The following SORCS3 variants were observed in gnomAD, a reference collection of about 807,000 sequenced individuals.
The protein encoded by SORCS3 is sortilin related VPS10 domain containing receptor 3.
In SORCS3, 57 loss-of-function variants were observed where a neutral mutation model predicts 146.3. The observed-to-expected ratio is 0.39, with a 90% CI of 0.31 to 0.49. The LOEUF is 0.49. SORCS3 is among the 20% of genes least tolerant of loss of function. The pLI is 0.92. For synonymous variants in SORCS3, 653 were observed against 618.5 expected (o/e 1.06, Z -0.83); for missense variants, 1,341 against 1,575.5 (o/e 0.85, Z 2.52).
chr10:104,952,712 A>G (rs1458964249), intron 3 of SORCS3, among the ~76,000 whole-genome samples: 1 of 152,162 alleles, frequency 6.6e-6, no homozygotes, highest in Non-Finnish European at 1.5e-5. Context: ...GCCTAAATGC[A>G]TGCACACACA....
At chr10:105,115,104 C>T (rs1210634498) in intron 7 of SORCS3, among the ~76,000 whole-genome samples, 1 of 152,076 alleles carries the variant, frequency 6.6e-6, no homozygotes, top group Admixed American at 6.6e-5. Context: ...ATTCAAATAG[C>T]TAGTGGTCTG....
At chr10:105,246,918 G>A (rs777195541) in intron 21 of SORCS3, among the ~76,000 whole-genome samples, 9 of 152,214 alleles carry the variant, frequency 5.9e-5, no homozygotes, top group Non-Finnish European at 1.0e-4. Context: ...ACCACCTACA[G>A]TAGCAGACGT....
At chr10:104,872,519 C>T (rs575932057) in intron 2 of SORCS3, among the ~76,000 whole-genome samples, 1 of 150,134 alleles carries the variant, frequency 6.7e-6, no homozygotes, top group Admixed American at 6.6e-5. Flanking sequence ...TCCTCCAGGG[C>T]TTTTTATTCA....
intron 20 of SORCS3, 134 bp from the exon 21 acceptor site, chr10:105,245,408 A>G (rs1043797381): frequency 4.5e-5 from 47 of 1,036,060 alleles, no homozygotes; most frequent in South Asian, 2.3e-4. Context: ...CACAGTTTTA[A>G]GAAACGGTAT....
At chr10:104,893,637 G>T (rs1437582084) in intron 2 of SORCS3, among the ~76,000 whole-genome samples, 1 of 152,162 alleles carries the variant, frequency 6.6e-6, no homozygotes, top group Non-Finnish European at 1.5e-5. Flanking sequence ...ACCTTTAACT[G>T]GTCCTTTGTA....
chr10:104,739,883 G>A (rs2016820519), intron 1 of SORCS3, among the ~76,000 whole-genome samples: 1 of 152,178 alleles, frequency 6.6e-6, no homozygotes, highest in African/African-American at 2.4e-5. Context: ...GGATTTCTGG[G>A]TGCTAATTTT....
At chr10:105,129,208 A>G (rs2055997768) in intron 7 of SORCS3, among the ~76,000 whole-genome samples, 1 of 152,056 alleles carries the variant, frequency 6.6e-6, no homozygotes, top group African/African-American at 2.4e-5. Context: ...AGGCCATTTG[A>G]TGTATCAAGT....
chr10:105,180,333 A>G (rs1160733079), intron 14 of SORCS3, among the ~76,000 whole-genome samples: 1 of 152,254 alleles, frequency 6.6e-6, no homozygotes, highest in Admixed American at 6.5e-5. Context: ...TGTAAGTTCC[A>G]AGAAAGCATA....
chr10:104,926,646 G>T (rs1010054762), intron 3 of SORCS3, among the ~76,000 whole-genome samples: 21 of 152,234 alleles, frequency 1.4e-4, no homozygotes, highest in African/African-American at 5.1e-4. Flanking sequence ...CTTCGCAAGT[G>T]TGACCCAGCA....
chr10:104,956,816 C>G (rs1466216574), intron 3 of SORCS3, among the ~76,000 whole-genome samples: 3 of 152,132 alleles, frequency 2.0e-5, no homozygotes, highest in Non-Finnish European at 4.4e-5. Flanking sequence ...CTGTTTGATT[C>G]TAAACCCAAA....
intron 1 of SORCS3, among the ~76,000 whole-genome samples, chr10:104,689,081 A>G (rs1370011964): frequency 6.6e-6 from 1 of 152,220 alleles, no homozygotes; most frequent in South Asian, 2.1e-4. Flanking sequence ...GCCTCGGCAT[A>G]TGAGGCCCTG....
chr10:105,214,406 C>G, intron 17 of SORCS3, 36 bp from the exon 18 acceptor site: 1 of 1,610,494 alleles, frequency 6.2e-7, no homozygotes, highest in Non-Finnish European at 8.5e-7. Flanking sequence ...ACAACACAAT[C>G]AACACAAACC....
intron 13 of SORCS3, among the ~76,000 whole-genome samples, chr10:105,168,042 A>G (rs1442511676): frequency 6.6e-6 from 1 of 152,192 alleles, no homozygotes; most frequent in East Asian, 1.9e-4. Context: ...AATAGCATCA[A>G]ATTCTACAAT....
At chr10:105,072,588 A>AT (rs1162622628) in intron 5 of SORCS3, among the ~76,000 whole-genome samples, 1 of 143,952 alleles carries the variant, frequency 6.9e-6, no homozygotes, top group African/African-American at 2.6e-5. Flanking sequence ...CAGGGCCTAG[A>AT]TTTTTTCACA....
At chr10:105,196,952 T>G (rs543798697) in intron 14 of SORCS3, among the ~76,000 whole-genome samples, 1 of 152,272 alleles carries the variant, frequency 6.6e-6, no homozygotes, top group Non-Finnish European at 1.5e-5. Flanking sequence ...GAGAATTCAT[T>G]CTTTGCTTCT....
chr10:105,042,458 C>T (rs2055343952), intron 4 of SORCS3, among the ~76,000 whole-genome samples: 1 of 152,028 alleles, frequency 6.6e-6, no homozygotes. Flanking sequence ...TGAAAATATA[C>T]CCAATACTCC....
rs11817594 is a variant in SORCS3, at chr10:104,961,737, C to T, written c.796-15598C>T. Among the ~76,000 whole-genome samples the T allele has an allele frequency of 1.9e-3, 288 of 152,208 alleles. 1 individual carries two copies. Among genetic ancestry groups the T allele is most frequent in the African/African-American group, 6.7e-3 (280 of 41,526 alleles). On this transcript the variant is annotated intron_variant, in intron 3 of 26. Transcript: ENST00000369701. ...CCTCAGGTAAAGGTTTTGCTGACTG[C>T]CCTTATTGAGATGAAGCTAGCTTCT...
chr10:104,777,343 A>C (rs764357677), intron 1 of SORCS3, among the ~76,000 whole-genome samples: 1 of 152,184 alleles, frequency 6.6e-6, no homozygotes, highest in Non-Finnish European at 1.5e-5. Flanking sequence ...ACAGTTACAC[A>C]CTGAGCTGCA....
chr10:105,227,381 A>G (rs1485941785), intron 20 of SORCS3, among the ~76,000 whole-genome samples: 2 of 152,072 alleles, frequency 1.3e-5, no homozygotes, highest in Non-Finnish European at 2.9e-5. Context: ...ATTGATTTCT[A>G]GATTTATTCC....
Sources: gnomAD v4.1 joint callset for allele counts (sites outside exome capture counted in the v4.1 genomes callset) on GRCh38, gnomAD v4.1.1 for gene constraint, MANE v1.5 for transcripts, NCBI Gene and HGNC (gene_info 2026-07-23, HGNC 2026-07-21) for gene names.